KIF21A: variants seen among roughly 807,000 people sequenced by gnomAD.
KIF21A encodes the protein kinesin family member 21A.
KIF21A carries 114 observed loss-of-function variants against 202.9 expected under a neutral mutation model. The observed-to-expected ratio is 0.56, with a 90% CI of 0.48 to 0.66. KIF21A has a LOEUF of 0.66. Ranked by LOEUF, KIF21A falls within the 30% of genes least tolerant of loss-of-function variation. The pLI is 0.00. For missense variants in KIF21A, 1,677 were observed against 1,994.9 expected (o/e 0.84, Z 3.04); for synonymous variants, 667 against 670.8 (o/e 0.99, Z 0.09).
chr12:39,367,997 G>T lies in KIF21A; in HGVS notation c.486C>A (p.Thr162=). The change falls in exon 4 of 38, where the codon ACC becomes ACA. Residue 162 remains threonine, a synonymous_variant. Transcript: ENST00000361418. ...TACTTTTTGCATCAATATCACGAGT[G>T]GTATCAAATAAGTCAAGGACCTCTT... The part of the protein sequence containing the change: ...YNEEVLDLFD[T]TRDIDAKSKK... The T allele has an allele frequency of 6.3e-7, 1 of 1,597,776 alleles. No homozygotes were observed. Among genetic ancestry groups the T allele is most frequent in the Non-Finnish European group, 8.6e-7 (1 of 1,166,594 alleles).
chr12:39,350,828 G>A (rs1948311992), intron 11 of KIF21A, among the ~76,000 whole-genome samples: 1 of 151,990 alleles, frequency 6.6e-6, no homozygotes, highest in African/African-American at 2.4e-5. Context: ...TCAACTGGCT[G>A]CTCCAGGAAG....
chr12:39,357,462 G>A (rs1184848799), intron 8 of KIF21A, 25 bp from the exon 9 acceptor site: 4 of 1,586,346 alleles, frequency 2.5e-6, no homozygotes, highest in Non-Finnish European at 3.5e-6. Flanking sequence ...TAATGTCCTT[G>A]TTGGTTGAGG....
intron 1 of KIF21A, among the ~76,000 whole-genome samples, chr12:39,405,935 T>C (rs1401908190): frequency 6.6e-6 from 1 of 152,186 alleles, no homozygotes; most frequent in Non-Finnish European, 1.5e-5. Flanking sequence ...TATGTGTGAC[T>C]AACATTTTAT....
Position 39,369,858 on chromosome 12 carries a change from A to G in KIF21A, c.321T>C (p.Val107=), listed in dbSNP as rs1210769300. 2 of 1,613,472 alleles carry G rather than the reference A, an allele frequency of 1.2e-6. No homozygotes were observed. The highest frequency in any genetic ancestry group is 1.7e-6 in the Non-Finnish European group (2 of 1,179,622). Residue 107 remains valine, a synonymous_variant, in exon 3 of 38, where the codon GTT becomes GTC. Transcript: ENST00000361418. ...TMGTGFDVNI[V]EEELGIISRA... ...GAGAAATAATACCCAGTTCTTCCTC[A>G]ACAATGTTAACATCAAATCCTGTTC...
At chr12:39,342,778 T>C (rs556695523) in intron 12 of KIF21A, among the ~76,000 whole-genome samples, 7 of 152,246 alleles carry the variant, frequency 4.6e-5, no homozygotes, top group East Asian at 3.9e-4. Context: ...TTTGATTGAA[T>C]AGAAAATTTC....
At position 39,434,430 on chromosome 12, in the gene KIF21A, T is replaced by A. The variant is rs1395851685; in HGVS notation, c.44+8497A>T. Among the ~76,000 whole-genome samples the A allele has an allele frequency of 2.0e-5, 3 of 152,214 alleles. No individual in the cohort carries two copies. In the East Asian group the frequency reaches 5.8e-4, roughly 29 times the overall value. ...CTTTCGGAGGGACACATTCAAACCATAACAGTTGGTTATACCAACTTTATC... is the reference window on the plus strand; with the variant it reads ...CTTTCGGAGGGACACATTCAAACCAAAACAGTTGGTTATACCAACTTTATC... On this transcript the variant is annotated intron_variant, in intron 1 of 37. Coordinates refer to ENST00000361418, the MANE Select transcript of KIF21A (RefSeq NM_001173464.2).
At chr12:39,385,003 G>C (rs1456107783) in intron 1 of KIF21A, among the ~76,000 whole-genome samples, 1 of 152,160 alleles carries the variant, frequency 6.6e-6, no homozygotes, top group East Asian at 1.9e-4. Context: ...TCTCCAGTCT[G>C]CTAAAATCTG....
intron 6 of KIF21A, among the ~76,000 whole-genome samples, chr12:39,365,635 A>G (rs559895953): frequency 6.6e-6 from 1 of 152,364 alleles, no homozygotes; most frequent in African/African-American, 2.4e-5. Context: ...AAAAATTACA[A>G]TTTCCAAAGT....
At chr12:39,419,618 T>A (rs1420336656) in intron 1 of KIF21A, among the ~76,000 whole-genome samples, 2 of 152,208 alleles carry the variant, frequency 1.3e-5, no homozygotes, top group Non-Finnish European at 2.9e-5. Context: ...CAGTCTCACA[T>A]GACTTACCAA....
chr12:39,360,493 G>A (rs962085394), intron 7 of KIF21A, among the ~76,000 whole-genome samples: 115 of 151,736 alleles, frequency 7.6e-4, no homozygotes, highest in African/African-American at 2.6e-3. Flanking sequence ...GAGTTAAAGC[G>A]ATTCTCCTGC....
rs368822579 is a variant in KIF21A, at chr12:39,325,827, A to G, written c.3456+12T>C. The G allele has an allele frequency of 1.3e-5, 21 of 1,589,152 alleles. No individual in the cohort carries two copies. Among genetic ancestry groups the G allele is most frequent in the Non-Finnish European group, 1.7e-5 (20 of 1,157,662 alleles). The stretch of plus-strand genomic sequence containing the variant: ...TAAAACATGTTTACCTGATACTTTT[A>G]GTTCTCCTTACCTTGTTCTTAGGTT... On this transcript the variant is annotated intron_variant, in intron 26 of 37. Coordinates refer to ENST00000361418, the MANE Select transcript of KIF21A (RefSeq NM_001173464.2).
chr12:39,415,074 C>T (rs1015137139), intron 1 of KIF21A, among the ~76,000 whole-genome samples: 1 of 151,424 alleles, frequency 6.6e-6, no homozygotes, highest in African/African-American at 2.4e-5. Flanking sequence ...TTAGTCTAAA[C>T]GCACCTGAGA....
intron 12 of KIF21A, among the ~76,000 whole-genome samples, chr12:39,343,156 A>G (rs1036010605): frequency 6.6e-6 from 1 of 152,094 alleles, no homozygotes; most frequent in African/African-American, 2.4e-5. Context: ...GAGGTCAGGC[A>G]TTTGAGTCCA....
chr12:39,437,781 T>C (rs2140454086), intron 1 of KIF21A, among the ~76,000 whole-genome samples: 1 of 152,280 alleles, frequency 6.6e-6, no homozygotes, highest in East Asian at 1.9e-4. Flanking sequence ...GTGTCTGGCA[T>C]GTAATAGGCA....
intron 1 of KIF21A, among the ~76,000 whole-genome samples, chr12:39,423,072 C>G (rs762393039): frequency 8.5e-5 from 13 of 152,218 alleles, no homozygotes; most frequent in Non-Finnish European, 1.9e-4. Context: ...GAGTTGGGAA[C>G]AGTTTTGCTT....
At chr12:39,364,362 G>C (rs1228993423) in intron 6 of KIF21A, among the ~76,000 whole-genome samples, 1 of 152,048 alleles carries the variant, frequency 6.6e-6, no homozygotes, top group Non-Finnish European at 1.5e-5. Context: ...AGCCTAAAGA[G>C]GAAAACAAAG....
chr12:39,378,319 T>G (rs1420886357), intron 1 of KIF21A, among the ~76,000 whole-genome samples: 2 of 152,144 alleles, frequency 1.3e-5, no homozygotes, highest in Non-Finnish European at 2.9e-5. Flanking sequence ...ATTGTGCCAC[T>G]CTGTTGAATA....
chr12:39,302,885 A>G (rs1166718297), intron 36 of KIF21A, 80 bp downstream of exon 36: 5 of 1,182,214 alleles, frequency 4.2e-6, no homozygotes. Flanking sequence ...AAATCTACAT[A>G]GAAGCTCTTC....
chr12:39,419,910 A>C (rs937665666), intron 1 of KIF21A, among the ~76,000 whole-genome samples: 1 of 151,976 alleles, frequency 6.6e-6, no homozygotes, highest in African/African-American at 2.4e-5. Flanking sequence ...ATCCCATCTC[A>C]GTATGTCCAT....
Sources: gnomAD v4.1 joint callset for allele counts (sites outside exome capture counted in the v4.1 genomes callset) on GRCh38, gnomAD v4.1.1 for gene constraint, MANE v1.5 for transcripts, NCBI Gene and HGNC (gene_info 2026-07-23, HGNC 2026-07-21) for gene names.